CSNK1E: variants seen among roughly 807,000 people sequenced by gnomAD.
CSNK1E encodes casein kinase I isoform epsilon.
CSNK1E carries 17 observed loss-of-function variants against 46.1 expected under a neutral mutation model. The ratio of observed to expected loss-of-function variants is 0.37; its 90% CI spans 0.25 to 0.55. The LOEUF (loss-of-function observed/expected upper bound fraction) is 0.55, where lower values mean the gene tolerates loss of function less well. Among genes scored for constraint, CSNK1E ranks in the 20% least tolerant of loss-of-function variants. The pLI, the probability that CSNK1E is intolerant of heterozygous loss-of-function variation, is 0.82. For synonymous variants in CSNK1E, 241 were observed against 242.6 expected, an observed-to-expected ratio of 0.99 and a Z score of 0.06; for missense variants, 386 against 595.4, an observed-to-expected ratio of 0.65 and a Z score of 3.66.
chr22:38,292,934 T>C (rs992567043), intron 10 of CSNK1E: 3 of 376,962 alleles, frequency 8.0e-6, no homozygotes, highest in African/African-American at 4.3e-5. Flanking sequence ...TGTGAGCCCA[T>C]GGCCCCGTCT....
chr22:38,294,374 G>A lies in CSNK1E; in HGVS notation c.1046C>T (p.Ala349Val), dbSNP rs902426890. 5 of 1,562,146 alleles carry A rather than the reference G, an allele frequency of 3.2e-6. No homozygotes were observed. Among genetic ancestry groups the A allele is most frequent in the Non-Finnish European group, 3.5e-6 (4 of 1,156,880 alleles). The change falls in exon 8 of 11, where the codon GCT becomes GTT. Residue 349 changes from alanine (A) to valine (V), a missense_variant. Coordinates refer to ENST00000396832, the MANE Select transcript of CSNK1E (RefSeq NM_152221.3). This position sits in a 1 kb window ranked among gnomAD's most constrained non-coding sequence, Gnocchi z 5.5. ...NRLRSAAEPV[A>V]STPASRIQPA... is the part of the protein sequence containing the mutation. ...CTGGATGCGGGAGGCTGGCGTGGAA[G>A]CCACGGGCTCGGCGGCACTGCGGAG...
intron 4 of CSNK1E, among the ~76,000 whole-genome samples, chr22:38,301,527 G>A (rs988360559): frequency 6.6e-6 from 1 of 152,112 alleles, no homozygotes; most frequent in Non-Finnish European, 1.5e-5. Context: ...CTGCCTTCAG[G>A]GTTCAAGTGA....
chr22:38,296,950 T>A, intron 7 of CSNK1E: 1 of 607,712 alleles, frequency 1.6e-6, no homozygotes, highest in South Asian at 1.9e-5. Flanking sequence ...AATTTTTGTG[T>A]TTTTAGTAGA....
At position 38,303,806 on chromosome 22, in the gene CSNK1E, T is replaced by C. The variant is rs1385323177; in HGVS notation, c.77-558A>G. ...TCGATTCTCAACCCCCTTGTAGAGA[T>C]GAGAAAACAGAGACCCAGCTAGAGA... On this transcript the variant is annotated intron_variant, in intron 2 of 10. Transcript: ENST00000396832. The surrounding 1 kb of genome is among the most constrained non-coding windows in gnomAD (Gnocchi z 4.7). Among the ~76,000 whole-genome samples, 1 of 152,048 alleles carries C rather than the reference T, an allele frequency of 6.6e-6. No homozygotes were observed. The highest frequency in any genetic ancestry group is 2.4e-5 in the African/African-American group (1 of 41,378).
intron 6 of CSNK1E, among the ~76,000 whole-genome samples, 193 bp from the exon 7 acceptor site, chr22:38,299,127 C>G (rs2092657362): frequency 6.6e-6 from 1 of 152,226 alleles, no homozygotes; most frequent in African/African-American, 2.4e-5. Flanking sequence ...GTGAGCAGAG[C>G]CTCTGCTGCT....
chr22:38,292,299 G>C lies in CSNK1E; in HGVS notation c.*33-361C>G, dbSNP rs1376220714. On this transcript the variant is annotated intron_variant, in intron 10 of 10. Transcript: ENST00000396832. Reference sequence around the variant, plus strand: ...ACTGCACTTGGCCCCCCAAACTCCTGTCTTCTCGTCCCTTGGTCTATCTCC... The same window carrying C: ...ACTGCACTTGGCCCCCCAAACTCCTCTCTTCTCGTCCCTTGGTCTATCTCC... The C allele has an allele frequency of 2.0e-5, 3 of 152,158 alleles. No individual in the cohort carries two copies. The East Asian group carries it at 5.8e-4, about 29-fold the overall frequency. 9.4% of individuals were successfully genotyped at this position (152,158 alleles called of 1,614,324 possible).
intron 1 of CSNK1E, among the ~76,000 whole-genome samples, chr22:38,315,653 A>AG (rs1472990788): frequency 2.9e-5 from 1 of 34,446 alleles, no homozygotes; most frequent in Admixed American, 3.7e-4. Context: ...GTGTGCACGC[A>AG]ACCCCCCCCC....
In CSNK1E at chr22:38,306,821, T is replaced by C. The variant is rs529331718; in HGVS notation, c.77-3573A>G. 3.0e-3 allele frequency among the ~76,000 whole-genome samples: 463 copies of C among 152,256 alleles called. 1 individual carries two copies. Among genetic ancestry groups the C allele is most frequent in the South Asian group, 7.7e-3 (37 of 4,826 alleles). ...CAGCATCTGCTGTGGGTTCCGCATC[T>C]GCCGATTCAACCATGGATCAAAAAT... On this transcript the variant is annotated intron_variant, in intron 2 of 10. Transcript: ENST00000396832.
At chr22:38,301,544 TGCC>T (rs1478749824) in intron 4 of CSNK1E, among the ~76,000 whole-genome samples, 1 of 152,144 alleles carries the variant, frequency 6.6e-6, no homozygotes, top group East Asian at 1.9e-4. Flanking sequence ...GTGATTTTCC[TGCC>T]TCAGCCTCCC....
chr22:38,299,068 C>A, intron 6 of CSNK1E, 134 bp from the exon 7 acceptor site: 2 of 980,366 alleles, frequency 2.0e-6, no homozygotes, highest in South Asian at 3.1e-5. Flanking sequence ...AAGGAGGCAA[C>A]AGAGCCATGG....
chr22:38,318,063 G>A (rs1033542513), upstream of CSNK1E: 10 of 152,194 alleles, frequency 6.6e-5, no homozygotes, highest in African/African-American at 2.4e-4. Flanking sequence ...TGGGCACAGA[G>A]AGGACCCCTC....
At chr22:38,296,515 GA>G (rs773800811) in intron 7 of CSNK1E, 5 of 1,590,046 alleles carry the variant, frequency 3.1e-6, no homozygotes, top group Non-Finnish European at 8.6e-7. Context: ...TCTGCCAGGG[GA>G]CTGCTGGAGG....
At chr22:38,308,149 C>G (rs1412500030) in intron 2 of CSNK1E, among the ~76,000 whole-genome samples, 1 of 152,218 alleles carries the variant, frequency 6.6e-6, no homozygotes, top group Non-Finnish European at 1.5e-5. Flanking sequence ...CAAACAGAAT[C>G]ATACAACGTG....
In CSNK1E at chr22:38,300,516, C is replaced by G. The variant is rs554805974; in HGVS notation, c.565+208G>C. 6.6e-6 allele frequency among the ~76,000 whole-genome samples: 1 copy of G among 152,226 alleles called. No homozygotes were observed. Among genetic ancestry groups the G allele is most frequent in the African/African-American group, 2.4e-5 (1 of 41,456 alleles). On this transcript the variant is annotated intron_variant, in intron 5 of 10. Transcript: ENST00000396832. The surrounding 1 kb of genome is among the most constrained non-coding windows in gnomAD (Gnocchi z 4.4). The stretch of plus-strand genomic sequence containing the variant: ...AGGAAGCAGGGCCAGGGAAGGCGCC[C>G]GGCACACACAGCTTGGCTTACGAAG...
intron 7 of CSNK1E, among the ~76,000 whole-genome samples, chr22:38,296,048 C>G (rs117551884): frequency 0.031 from 4,698 of 152,326 alleles, 117 homozygotes; most frequent in South Asian, 0.056. Context: ...TGACTCACTC[C>G]AAGGTGTGGA....
Position 38,299,930 on chromosome 22 carries a change from G to A in CSNK1E, c.701C>T (p.Ser234Leu). Residue 234 changes from serine to leucine, a missense_variant, in exon 6 of 11, where the codon TCA becomes TTA. Coordinates refer to ENST00000396832, the MANE Select transcript of CSNK1E (RefSeq NM_152221.3). ...KYERISEKKM[S>L]TPIEVLCKGY... Reference sequence around the variant, plus strand: ...TTTGCAGAGGACCTCGATGGGCGTTGACATCTTCTTCTCGCTGATCCGTTC... The same window carrying A: ...TTTGCAGAGGACCTCGATGGGCGTTAACATCTTCTTCTCGCTGATCCGTTC... 1 of 1,614,184 alleles carries A rather than the reference G, an allele frequency of 6.2e-7. No individual in the cohort carries two copies. The highest frequency in any genetic ancestry group is 8.5e-7 in the Non-Finnish European group (1 of 1,180,022).
At chr22:38,315,651 G>A (rs1406053811) in intron 1 of CSNK1E, among the ~76,000 whole-genome samples, 2 of 36,178 alleles carry the variant, frequency 5.5e-5, no homozygotes. Flanking sequence ...GGGTGTGCAC[G>A]CAACCCCCCC....
chr22:38,292,713 G>A (rs548905615), intron 10 of CSNK1E: 1 of 153,274 alleles, frequency 6.5e-6, no homozygotes, highest in Non-Finnish European at 1.5e-5. Context: ...CCCAGAGTGG[G>A]GCGTTTCCAT....
chr22:38,314,173 C>T lies in CSNK1E; in HGVS notation c.-12-4G>A, dbSNP rs2092733454. The T allele has an allele frequency of 6.2e-7, 1 of 1,613,168 alleles. No individual in the cohort carries two copies. The highest frequency in any genetic ancestry group is 1.1e-5 in the South Asian group (1 of 91,076). On this transcript the variant is annotated splice_region_variant and splice_polypyrimidine_tract_variant and intron_variant, in intron 1 of 10. Coordinates refer to ENST00000396832, the MANE Select transcript of CSNK1E (RefSeq NM_152221.3). ...GTAGCTCCATGGCTCACTCTTGCTG[C>T]AGAGGAAGCAGGAACATGAGGGTCA... is the stretch of plus-strand genomic sequence containing the variant.
Sources: allele counts gnomAD v4.1 joint callset (sites outside exome capture counted in the v4.1 genomes callset), GRCh38; gene constraint gnomAD v4.1.1; non-coding constraint Gnocchi (gnomAD v3.1); transcripts MANE v1.5; gene names NCBI Gene and HGNC (gene_info 2026-07-23, HGNC 2026-07-21).